The following DNAH11 variants were observed in gnomAD, a reference collection of about 807,000 sequenced individuals.
The protein encoded by DNAH11 is dynein axonemal heavy chain 11.
In DNAH11, 442 loss-of-function variants were observed where a neutral mutation model predicts 526.0. The ratio of observed to expected loss-of-function variants is 0.84; its 90% confidence interval spans 0.78 to 0.91. The LOEUF is 0.91. Among genes scored for constraint, DNAH11 ranks in the 40% least tolerant of loss-of-function variants. DNAH11 has a pLI of 0.00. For synonymous variants in DNAH11, 2,461 were observed against 1,935.9 expected (o/e 1.27, Z -7.12); for missense variants, 6,989 against 5,448.7 (o/e 1.28, Z -8.90).
At chr7:21,877,813 T>A (rs1783775714) in intron 74 of DNAH11, among the ~76,000 whole-genome samples, 1 of 138,054 alleles carries the variant, frequency 7.2e-6, no homozygotes. Context: ...AGGCAGAGGT[T>A]GCAATGAGCA....
intron 1 of DNAH11, among the ~76,000 whole-genome samples, chr7:21,544,563 G>T (rs563491042): frequency 2.6e-5 from 4 of 152,284 alleles, no homozygotes; most frequent in African/African-American, 9.6e-5. Flanking sequence ...GCATGTTTTG[G>T]TTATACGGTT....
intron 34 of DNAH11, among the ~76,000 whole-genome samples, chr7:21,689,851 G>A (rs577630752): frequency 6.6e-6 from 1 of 152,194 alleles, no homozygotes; most frequent in East Asian, 1.9e-4. Context: ...CTTATATTTT[G>A]TCTCGTTTAC....
intron 29 of DNAH11, among the ~76,000 whole-genome samples, chr7:21,658,252 G>C (rs912521174): frequency 1.3e-5 from 2 of 152,182 alleles, no homozygotes; most frequent in African/African-American, 4.8e-5. Flanking sequence ...GAAGATTAGA[G>C]CCAGTAGGGA....
At chr7:21,722,713 G>C (rs1310246355) in intron 44 of DNAH11, among the ~76,000 whole-genome samples, 1 of 152,166 alleles carries the variant, frequency 6.6e-6, no homozygotes, top group African/African-American at 2.4e-5. Context: ...GTTCGTGTCA[G>C]GGACTTCATG....
At chr7:21,653,318 T>TA (rs1322215529) in intron 28 of DNAH11, among the ~76,000 whole-genome samples, 12 of 152,226 alleles carry the variant, frequency 7.9e-5, no homozygotes, top group East Asian at 3.9e-4. Flanking sequence ...CCACACGAGT[T>TA]AAAAAAATAG....
chr7:21,569,535 C>G (rs972113383), intron 6 of DNAH11, among the ~76,000 whole-genome samples: 1 of 152,122 alleles, frequency 6.6e-6, no homozygotes, highest in Non-Finnish European at 1.5e-5. Flanking sequence ...ATGTGGCACA[C>G]GTCAGCCAGT....
rs190699150 is a variant in DNAH11 at position 21,568,502 on chromosome 7, G to A, written c.1195-1567G>A. Among the ~76,000 whole-genome samples, 34 of 152,216 alleles carry A rather than the reference G, an allele frequency of 2.2e-4. No homozygotes were observed. The East Asian group carries it at 3.7e-3, about 16-fold the overall frequency. On this transcript the variant is annotated intron_variant, in intron 6 of 81. Coordinates refer to ENST00000409508, the MANE Select transcript of DNAH11 (RefSeq NM_001277115.2). ...TAGTAGGGTCACAGCCAGCCCCTGC[G>A]TCGGGTCATGCTTTTTCCTTCACAC... is the stretch of plus-strand genomic sequence containing the variant.
chr7:21,599,767 T>A lies in DNAH11; in HGVS notation c.2668-20T>A, dbSNP rs1398107926. 2.0e-6 allele frequency: 3 copies of A among 1,493,186 alleles called. No homozygotes were observed. In the South Asian group the frequency reaches 4.2e-5, roughly 21 times the overall value. 92.5% of individuals were successfully genotyped at this position (1,493,186 alleles called of 1,614,324 possible). Reference sequence around the variant, plus strand: ...TAATTATTTGTTTATATTCATCCACTAATACTTGTCTGTTTCTAGGAAAAT... The same window carrying A: ...TAATTATTTGTTTATATTCATCCACAAATACTTGTCTGTTTCTAGGAAAAT... On this transcript the variant is annotated intron_variant, in intron 14 of 81. Transcript: ENST00000409508.
chr7:21,599,092 T>G (rs1373526759), intron 14 of DNAH11, among the ~76,000 whole-genome samples: 2 of 152,212 alleles, frequency 1.3e-5, no homozygotes, highest in Non-Finnish European at 2.9e-5. Context: ...TCCCTTTTGG[T>G]GTATATCCAG....
chr7:21,582,343 C>T (rs1784340467), intron 9 of DNAH11, among the ~76,000 whole-genome samples: 1 of 152,142 alleles, frequency 6.6e-6, no homozygotes, highest in African/African-American at 2.4e-5. Flanking sequence ...TGAAAAATAC[C>T]TTAATTCAGG....
chr7:21,791,241 A>G (rs987491946), intron 61 of DNAH11, among the ~76,000 whole-genome samples: 4 of 152,040 alleles, frequency 2.6e-5, no homozygotes, highest in African/African-American at 9.7e-5. Flanking sequence ...GGTAACAGCA[A>G]CTCTCAAGGT....
chr7:21,786,621 C>A lies in DNAH11; in HGVS notation c.9598-3C>A. The A allele has an allele frequency of 6.2e-7, 1 of 1,608,098 alleles. No homozygotes were observed. The highest frequency in any genetic ancestry group is 8.5e-7 in the Non-Finnish European group (1 of 1,175,948). ...GTACGTGTTTCTGTGTGCTTTTCTT[C>A]AGGTCAACCTCAGTGAGCTGAAAGC... On this transcript the variant is annotated splice_region_variant and splice_polypyrimidine_tract_variant and intron_variant, in intron 58 of 81. Coordinates refer to ENST00000409508, the MANE Select transcript of DNAH11 (RefSeq NM_001277115.2).
intron 25 of DNAH11, among the ~76,000 whole-genome samples, chr7:21,626,355 C>T (rs1786332989): frequency 6.6e-6 from 1 of 152,100 alleles, no homozygotes; most frequent in African/African-American, 2.4e-5. Context: ...TTAAATCTAT[C>T]TGTTAGTAGG....
At chr7:21,717,686 G>A in intron 42 of DNAH11, 89 bp from the exon 43 acceptor site, 1 of 1,494,824 alleles carries the variant, frequency 6.7e-7, no homozygotes, top group African/African-American at 1.4e-5. Flanking sequence ...GTTGCACCAA[G>A]CTGTGTCAAA....
chr7:21,754,345 A>T (rs921509254), intron 54 of DNAH11, among the ~76,000 whole-genome samples: 5 of 152,198 alleles, frequency 3.3e-5, no homozygotes, highest in African/African-American at 7.2e-5. Context: ...ACTAATATTC[A>T]TATAATACAG....
chr7:21,771,412 A>G (rs1210064780), intron 55 of DNAH11, among the ~76,000 whole-genome samples: 1 of 152,188 alleles, frequency 6.6e-6, no homozygotes, highest in South Asian at 2.1e-4. Context: ...TGGCTGGAGT[A>G]CTTGGTGTGG....
chr7:21,835,223 CAAAA>C (rs201863939), intron 65 of DNAH11, among the ~76,000 whole-genome samples: 1 of 87,586 alleles, frequency 1.1e-5, no homozygotes, highest in African/African-American at 4.4e-5. Flanking sequence ...CAGACTATTC[CAAAA>C]AAAAAAAAAA....
chr7:21,888,899 AT>A (rs1784229136), intron 76 of DNAH11, among the ~76,000 whole-genome samples: 1 of 152,080 alleles, frequency 6.6e-6, no homozygotes, highest in Non-Finnish European at 1.5e-5. Context: ...CTAAGATATA[AT>A]TTGCACACTG....
At chr7:21,854,142 T>C (rs1346391784) in intron 67 of DNAH11, among the ~76,000 whole-genome samples, 173 bp from the exon 68 acceptor site, 1 of 152,236 alleles carries the variant, frequency 6.6e-6, no homozygotes, top group Non-Finnish European at 1.5e-5. Flanking sequence ...AAAAAAATTA[T>C]TTTAAAATAT....
Sources: gnomAD v4.1 joint callset for allele counts (sites outside exome capture counted in the v4.1 genomes callset) on GRCh38, gnomAD v4.1.1 for gene constraint, MANE v1.5 for transcripts, NCBI Gene and HGNC (gene_info 2026-07-23, HGNC 2026-07-21) for gene names.